The following INPP4B variants were observed in gnomAD, a reference collection of about 807,000 sequenced individuals.
INPP4B encodes the protein inositol polyphosphate-4-phosphatase type II B.
In INPP4B, 55 loss-of-function variants were observed where a neutral mutation model predicts 122.5. The ratio of observed to expected loss-of-function variants is 0.45; its 90% confidence interval spans 0.36 to 0.56. INPP4B has a LOEUF of 0.56. INPP4B is among the 20% of genes least tolerant of loss of function. The probability of loss-of-function intolerance (pLI) is 0.00; values close to 1 mark genes in which losing one functional copy is unlikely to be tolerated. For missense variants in INPP4B, 1,000 were observed against 1,097.7 expected, an observed-to-expected ratio of 0.91 and a Z score of 1.26; for synonymous variants, 403 against 388.7, an observed-to-expected ratio of 1.04 and a Z score of -0.43.
chr4:142,539,396 C>T (rs548579914), intron 2 of INPP4B, among the ~76,000 whole-genome samples: 1 of 152,046 alleles, frequency 6.6e-6, no homozygotes, highest in Non-Finnish European at 1.5e-5. Flanking sequence ...TCTAATAGCT[C>T]ATCAATTCCA....
At chr4:142,682,710 G>A (rs560433323) in intron 2 of INPP4B, among the ~76,000 whole-genome samples, 1 of 151,774 alleles carries the variant, frequency 6.6e-6, no homozygotes, top group East Asian at 1.9e-4. Flanking sequence ...CTCCATCCAG[G>A]GACTCTGATC....
At chr4:142,466,524 A>G (rs1212364365) in intron 2 of INPP4B, among the ~76,000 whole-genome samples, 1 of 152,234 alleles carries the variant, frequency 6.6e-6, no homozygotes, top group African/African-American at 2.4e-5. Flanking sequence ...ACTTACAATT[A>G]AAAGGGAAGC....
At chr4:142,522,994 G>T (rs1826304969) in intron 2 of INPP4B, among the ~76,000 whole-genome samples, 1 of 152,034 alleles carries the variant, frequency 6.6e-6, no homozygotes, top group African/African-American at 2.4e-5. Context: ...AGTTTGAAAA[G>T]AAAAGATGGA....
intron 2 of INPP4B, among the ~76,000 whole-genome samples, chr4:142,706,506 C>T (rs1424020118): frequency 6.6e-6 from 1 of 152,182 alleles, no homozygotes; most frequent in African/African-American, 2.4e-5. Flanking sequence ...TTTGCTTATC[C>T]ATCTGTTTCA....
chr4:142,561,476 T>G (rs1730458774), intron 2 of INPP4B, among the ~76,000 whole-genome samples: 1 of 152,174 alleles, frequency 6.6e-6, no homozygotes, highest in African/African-American at 2.4e-5. Context: ...TGGAGTGTAG[T>G]GGCGCGATCT....
At chr4:142,357,662 G>A (rs1323892298) in intron 7 of INPP4B, among the ~76,000 whole-genome samples, 1 of 150,090 alleles carries the variant, frequency 6.7e-6, no homozygotes, top group African/African-American at 2.5e-5. Context: ...AATAAGATGG[G>A]TATTAAATAG....
chr4:142,643,792 T>G (rs1751096075), intron 2 of INPP4B, among the ~76,000 whole-genome samples: 1 of 152,120 alleles, frequency 6.6e-6, no homozygotes, highest in Non-Finnish European at 1.5e-5. Context: ...AAGAAACAAA[T>G]TATTAAATAG....
intron 8 of INPP4B, among the ~76,000 whole-genome samples, chr4:142,309,972 A>G (rs1764857820): frequency 6.6e-6 from 1 of 152,198 alleles, no homozygotes; most frequent in East Asian, 1.9e-4. Flanking sequence ...CAGACTGCTC[A>G]CTAGGATTTG....
intron 2 of INPP4B, among the ~76,000 whole-genome samples, chr4:142,524,027 T>A (rs879451397): frequency 5.2e-4 from 78 of 150,660 alleles, no homozygotes; most frequent in Admixed American, 3.1e-3. Flanking sequence ...ATGGTGTATA[T>A]GTGCCACATT....
At chr4:142,356,325 T>A (rs1314513425) in intron 7 of INPP4B, among the ~76,000 whole-genome samples, 1 of 150,572 alleles carries the variant, frequency 6.6e-6, no homozygotes, top group African/African-American at 2.4e-5. Flanking sequence ...TGTGTAAGAA[T>A]GAGAATGTAC....
chr4:142,400,282 G>A (rs182943223), intron 7 of INPP4B, among the ~76,000 whole-genome samples: 10 of 152,108 alleles, frequency 6.6e-5, no homozygotes, highest in Admixed American at 5.2e-4. Flanking sequence ...AGATCTGATC[G>A]TCCTGAATCA....
At chr4:142,381,063 C>T (rs1793922776) in intron 7 of INPP4B, among the ~76,000 whole-genome samples, 1 of 152,086 alleles carries the variant, frequency 6.6e-6, no homozygotes, top group Non-Finnish European at 1.5e-5. Flanking sequence ...AATACTCAAC[C>T]ACGATTTTCC....
In INPP4B at chr4:142,082,021, T is replaced by C. The variant is rs1001032083; in HGVS notation, c.2642+10A>G. 19 of 1,409,136 alleles carry C rather than the reference T, an allele frequency of 1.3e-5. No homozygotes were observed. The African/African-American group carries it at 2.7e-4, about 20-fold the overall frequency. 87.3% of individuals were successfully genotyped at this position (1,409,136 alleles called of 1,614,324 possible). On this transcript the variant is annotated intron_variant, in intron 25 of 25. Coordinates refer to ENST00000262992, the MANE Select transcript of INPP4B (RefSeq NM_001101669.3). ...TTAAAAGAAAAAAACTTGAAAAACA[T>C]GTGAGATACCTTCTCATGCAATCCA...
At chr4:142,629,185 A>C (rs1438664061) in intron 2 of INPP4B, among the ~76,000 whole-genome samples, 2 of 152,072 alleles carry the variant, frequency 1.3e-5, no homozygotes, top group African/African-American at 4.8e-5. Flanking sequence ...TGGGGCATAT[A>C]TTAAACCTGC....
chr4:142,714,797 C>T (rs192224762), intron 2 of INPP4B, among the ~76,000 whole-genome samples: 9 of 152,168 alleles, frequency 5.9e-5, no homozygotes, highest in East Asian at 5.8e-4. Flanking sequence ...TATGTGCTCA[C>T]GAGGACTCTC....
chr4:142,284,762 G>A (rs1038831679), intron 9 of INPP4B, among the ~76,000 whole-genome samples: 8 of 151,994 alleles, frequency 5.3e-5, no homozygotes, highest in South Asian at 2.1e-4. Flanking sequence ...ACTAGGGGTC[G>A]TGTACCAAAT....
At chr4:142,647,233 T>A (rs1472063934) in intron 2 of INPP4B, among the ~76,000 whole-genome samples, 3 of 152,112 alleles carry the variant, frequency 2.0e-5, no homozygotes, top group South Asian at 4.1e-4. Flanking sequence ...AGAATCAGGG[T>A]CCAGGAAGGG....
At chr4:142,220,214 A>T (rs1218813343) in intron 12 of INPP4B, among the ~76,000 whole-genome samples, 1 of 152,184 alleles carries the variant, frequency 6.6e-6, no homozygotes. Context: ...GGGGGAGTAC[A>T]GTTTCTCCTA....
chr4:142,327,248 T>C (rs927242767), intron 7 of INPP4B, among the ~76,000 whole-genome samples: 3 of 152,058 alleles, frequency 2.0e-5, no homozygotes, highest in African/African-American at 7.3e-5. Flanking sequence ...TCACTGAAAG[T>C]CATTAGTCCC....
Sources: gnomAD v4.1 joint callset for allele counts (sites outside exome capture counted in the v4.1 genomes callset) on GRCh38, gnomAD v4.1.1 for gene constraint, MANE v1.5 for transcripts, NCBI Gene and HGNC (gene_info 2026-07-23, HGNC 2026-07-21) for gene names.